UGT2B28: variants seen among roughly 807,000 people sequenced by gnomAD.
UGT2B28 encodes UDP glucuronosyltransferase family 2 member B28, also known as UDP-glucuronosyltransferase 2B28.
In UGT2B28, 45 loss-of-function variants were observed where a neutral mutation model predicts 43.6. That is an observed-to-expected ratio of 1.03 (90% CI 0.81 to 1.32). The LOEUF is 1.32. Ranked by LOEUF, UGT2B28 falls within the 40% of genes most tolerant of loss-of-function variation. The probability of loss-of-function intolerance (pLI) is 0.00; values close to 1 mark genes in which losing one functional copy is unlikely to be tolerated. For synonymous variants in UGT2B28, 204 were observed against 208.1 expected, an observed-to-expected ratio of 0.98 and a Z score of 0.17; for missense variants, 649 against 625.5, an observed-to-expected ratio of 1.04 and a Z score of -0.40.
In UGT2B28 at chr4:69,289,724, T is replaced by C. The variant is rs370728676; in HGVS notation, c.1062T>C (p.Tyr354=). The change falls in exon 4 of 6, where the codon TAT becomes TAC. Residue 354 remains tyrosine (Y), a synonymous_variant. Transcript: ENST00000335568. ...PDALGLNTRL[Y]KWIPQNDLLG... is the part of the protein sequence containing the mutation. ...CCTTAGGTCTCAATACTCGGCTGTA[T>C]AAGTGGATACCCCAGAATGACCTTC... The C allele has an allele frequency of 9.1e-5, 142 of 1,561,724 alleles. 17 individuals are homozygous for C. The highest frequency in any genetic ancestry group is 1.5e-4 in the African/African-American group (10 of 66,546).
At chr4:69,284,863 G>T (rs1486066766) in intron 2 of UGT2B28, among the ~76,000 whole-genome samples, 1 of 139,696 alleles carries the variant, frequency 7.2e-6, no homozygotes, top group African/African-American at 2.8e-5. Flanking sequence ...TTGACAAACT[G>T]CATCAAGTGT....
At chr4:69,288,459 G>A (rs13107778) in intron 3 of UGT2B28, among the ~76,000 whole-genome samples, 64,101 of 137,764 alleles carry the variant, frequency 0.47, 20,459 homozygotes, top group Non-Finnish European at 0.53. Context: ...GATGAAAACT[G>A]ATATAAAATA....
intron 5 of UGT2B28, among the ~76,000 whole-genome samples, chr4:69,293,783 A>C (rs572212147): frequency 7.1e-6 from 1 of 140,788 alleles, no homozygotes; most frequent in South Asian, 2.4e-4. Context: ...GGTTCTGTAG[A>C]CCAAATAACA....
chr4:69,291,712 CA>C (rs1466584614), intron 5 of UGT2B28, among the ~76,000 whole-genome samples: 1 of 121,902 alleles, frequency 8.2e-6, no homozygotes, highest in Admixed American at 8.6e-5. Context: ...TTTGCATAAA[CA>C]TGTTTTACTT....
In UGT2B28 at chr4:69,288,787, C is replaced by G. The variant is rs1311142135; in HGVS notation, c.1003-878C>G. ...ACATCTCAGTGTATGTTGTTGCCAT[C>G]TATGTATCCACGTGTTCTCATCTTT... On this transcript the variant is annotated intron_variant, in intron 3 of 5. Transcript: ENST00000335568. Among the ~76,000 whole-genome samples the G allele has an allele frequency of 2.1e-5, 3 of 139,782 alleles. 1 individual carries two copies. Among genetic ancestry groups the G allele is most frequent in the Admixed American group, 1.4e-4 (2 of 13,908 alleles). The allele number at this position is 139,782 out of a possible 152,430, so 91.7% of individuals were successfully genotyped here.
Position 69,294,737 on chromosome 4 carries a change from T to C in UGT2B28, c.1518T>C (p.Phe506=), listed in dbSNP as rs766513286. Residue 506 remains phenylalanine (F), a synonymous_variant, in exon 6 of 6, where the codon TTT becomes TTC. Coordinates refer to ENST00000335568, the MANE Select transcript of UGT2B28 (RefSeq NM_053039.2). ...TGGCCTGTGTGGCAACTGTGATATTTGTCGTCACAAAGTTTTGTCTGTTTT... is the reference window on the plus strand; with the variant it reads ...TGGCCTGTGTGGCAACTGTGATATTCGTCGTCACAAAGTTTTGTCTGTTTT... ...FLLACVATVI[F]VVTKFCLFCF... 16 of 1,559,646 alleles carry C rather than the reference T, an allele frequency of 1.0e-5. 2 individuals are homozygous for C. The highest frequency in any genetic ancestry group is 1.3e-5 in the Non-Finnish European group (15 of 1,155,278).
Position 69,280,604 on chromosome 4 carries a change from A to C in UGT2B28, c.104A>C (p.His35Pro), listed in dbSNP as rs750559952. The C allele has an allele frequency of 1.9e-6, 3 of 1,560,844 alleles. No homozygotes were observed. Among genetic ancestry groups the C allele is most frequent in the Non-Finnish European group, 2.6e-6 (3 of 1,155,882 alleles). ...KVLVWTGEYS[H>P]WMNMKTILKE... is the part of the protein sequence containing the mutation. ...CTGGTGTGGACCGGTGAATACAGCC[A>C]TTGGATGAATATGAAGACAATCCTG... The change falls in exon 1 of 6, where the codon CAT becomes CCT. Residue 35 changes from histidine to proline, a missense_variant. His to Pro is a moderately conservative substitution (Grantham distance 77, BLOSUM62 -2). Transcript: ENST00000335568.
In UGT2B28 at chr4:69,282,795, A is replaced by C. The variant is rs1335277110; in HGVS notation, c.870+133A>C. On this transcript the variant is annotated intron_variant, in intron 2 of 5. Coordinates refer to ENST00000335568, the MANE Select transcript of UGT2B28 (RefSeq NM_053039.2). ...AGTAGGTGGTGTAAAGCAGATACCAAATAGAAACTCATGTATATGTTAATA... is the reference window on the plus strand; with the variant it reads ...AGTAGGTGGTGTAAAGCAGATACCACATAGAAACTCATGTATATGTTAATA... 18 of 1,308,808 alleles carry C rather than the reference A, an allele frequency of 1.4e-5. No homozygotes were observed. The Admixed American group carries it at 2.6e-4, about 19-fold the overall frequency. The allele number at this position is 1,308,808 out of a possible 1,614,324, so 81.1% of individuals were successfully genotyped here.
intron 2 of UGT2B28, among the ~76,000 whole-genome samples, chr4:69,285,242 C>T (rs1202696298): frequency 7.1e-6 from 1 of 140,192 alleles, no homozygotes; most frequent in African/African-American, 2.8e-5. Flanking sequence ...TAAAAAAATA[C>T]ATATTTTCTA....
rs1202734872 is a variant in UGT2B28, at chr4:69,294,388, CAAATT to C, written c.1311-138_1311-134del. ...AAAAGCCCAACTATCTATGATGACT[CAAATT>C]AAAATACACAAATTCTCTGTCAATT... On this transcript the variant is annotated intron_variant, in intron 5 of 5. Transcript: ENST00000335568. The C allele has an allele frequency of 2.7e-5, 26 of 948,550 alleles. 6 individuals carry two copies. In the African/African-American group the frequency reaches 4.2e-4, roughly 15 times the overall value. 58.8% of individuals were successfully genotyped at this position (948,550 alleles called of 1,614,324 possible).
In UGT2B28 at chr4:69,281,233, T is replaced by C; in HGVS notation, c.721+12T>C. On this transcript the variant is annotated intron_variant, in intron 1 of 5. Coordinates refer to ENST00000335568, the MANE Select transcript of UGT2B28 (RefSeq NM_053039.2). ...CAGTGAAGTTTTAGGTAAGAATTTG[T>C]TTAATCGGGAACTTGAAGATCTAAC... 6.7e-7 allele frequency: 1 copy of C among 1,484,850 alleles called. No individual in the cohort carries two copies. The highest frequency in any genetic ancestry group is 1.8e-4 in the Middle Eastern group (1 of 5,444). The allele number at this position is 1,484,850 out of a possible 1,614,324, so 92.0% of individuals were successfully genotyped here.
At chr4:69,287,310 CT>C (rs964037204) in intron 3 of UGT2B28, among the ~76,000 whole-genome samples, 4 of 140,792 alleles carry the variant, frequency 2.8e-5, no homozygotes, top group South Asian at 2.4e-4. Context: ...ATATCCAGAA[CT>C]GCATCTTTGT....
In UGT2B28 at chr4:69,293,188, A is replaced by G. The variant is rs1159489730; in HGVS notation, c.1311-1342A>G. 1.4e-5 allele frequency among the ~76,000 whole-genome samples: 2 copies of G among 140,558 alleles called. 1 individual carries two copies. The highest frequency in any genetic ancestry group is 1.4e-4 in the Admixed American group (2 of 13,978). The allele number at this position is 140,558 out of a possible 152,430, so 92.2% of individuals were successfully genotyped here. A position where few individuals can be genotyped will look rare whatever the true frequency, so the allele number is the denominator to read the frequency against. On this transcript the variant is annotated intron_variant, in intron 5 of 5. Transcript: ENST00000335568. ...TGAGTACATATTATATAATTCAATT[A>G]CATAAACAAGCAAAACTAATGTTGT...
Position 69,283,800 on chromosome 4 carries a change from T to G in UGT2B28, c.870+1138T>G, listed in dbSNP as rs1364124239. Among the ~76,000 whole-genome samples the G allele has an allele frequency of 1.4e-5, 2 of 140,666 alleles. 1 individual carries two copies. Among genetic ancestry groups the G allele is most frequent in the South Asian group, 4.7e-4 (2 of 4,244 alleles). 92.3% of individuals were successfully genotyped at this position (140,666 alleles called of 152,430 possible). A position where few individuals can be genotyped will look rare whatever the true frequency, so the allele number is the denominator to read the frequency against. On this transcript the variant is annotated intron_variant, in intron 2 of 5. Coordinates refer to ENST00000335568, the MANE Select transcript of UGT2B28 (RefSeq NM_053039.2). ...ACCAGATTATTCAGCACATCAAGGT[T>G]ATATTCTCTTGCAAAGTCATATATG...
At chr4:69,284,916 T>A (rs1723725586) in intron 2 of UGT2B28, among the ~76,000 whole-genome samples, 4 of 140,038 alleles carry the variant, frequency 2.9e-5, no homozygotes, top group South Asian at 2.4e-4. Context: ...TATATTCACG[T>A]GAAATCATAA....
rs1366127330 is a variant in UGT2B28, at chr4:69,286,875, C to T, written c.994C>T (p.Pro332Ser). The T allele has an allele frequency of 1.3e-6, 2 of 1,554,908 alleles. No individual in the cohort carries two copies. The highest frequency in any genetic ancestry group is 1.5e-5 in the African/African-American group (1 of 64,686). ...AATTGCAACAGCCCTTGCCAAGATCCCACAAAAGGTAAGATAAAGTGCCTT... is the reference window on the plus strand; with the variant it reads ...AATTGCAACAGCCCTTGCCAAGATCTCACAAAAGGTAAGATAAAGTGCCTT... Reference protein sequence around the residue: ...NVIATALAKIPQKVLWRFDGN... With the variant: ...NVIATALAKISQKVLWRFDGN... Residue 332 changes from proline (P) to serine (S), a missense_variant, in exon 3 of 6, where the codon CCA (proline) becomes TCA (serine). Transcript: ENST00000335568.
At chr4:69,293,540 T>G (rs1315133463) in intron 5 of UGT2B28, among the ~76,000 whole-genome samples, 1 of 139,594 alleles carries the variant, frequency 7.2e-6, no homozygotes, top group Non-Finnish European at 1.5e-5. Context: ...GTTTGGCCAA[T>G]AAAAGCCTCT....
Position 69,294,728 on chromosome 4 carries a change from T to G in UGT2B28, c.1509T>G (p.Thr503=). The change falls in exon 6 of 6, where the codon ACT becomes ACG. Residue 503 remains threonine (T), a synonymous_variant. Coordinates refer to ENST00000335568, the MANE Select transcript of UGT2B28 (RefSeq NM_053039.2). ...GGTTTCTGCTGGCCTGTGTGGCAAC[T>G]GTGATATTTGTCGTCACAAAGTTTT... is the stretch of plus-strand genomic sequence containing the variant. ...VIGFLLACVA[T]VIFVVTKFCL... The G allele has an allele frequency of 7.1e-6, 11 of 1,559,838 alleles. 2 individuals are homozygous for G. Among genetic ancestry groups the G allele is most frequent in the Non-Finnish European group, 9.5e-6 (11 of 1,155,368 alleles).
At chr4:69,292,097 T>C (rs1384101381) in intron 5 of UGT2B28, among the ~76,000 whole-genome samples, 1 of 141,020 alleles carries the variant, frequency 7.1e-6, no homozygotes, top group Non-Finnish European at 1.5e-5. Flanking sequence ...GAACTACTTA[T>C]ATATTATGGG....
Sources: gnomAD v4.1 joint callset for allele counts (sites outside exome capture counted in the v4.1 genomes callset) on GRCh38, gnomAD v4.1.1 for gene constraint, MANE v1.5 for transcripts, NCBI Gene and HGNC (gene_info 2026-07-23, HGNC 2026-07-21) for gene names.